RARB: variants seen among roughly 807,000 people sequenced by gnomAD.
RARB encodes retinoic acid receptor beta, also known as HBV-activated protein.
In RARB, 17 loss-of-function variants were observed where a neutral mutation model predicts 51.9. The ratio of observed to expected loss-of-function variants is 0.33; its 90% CI spans 0.22 to 0.49. The LOEUF is 0.49. Ranked by LOEUF, RARB falls within the 20% of genes least tolerant of loss-of-function variation. The probability of loss-of-function intolerance (pLI) is 0.99; values close to 1 mark genes in which losing one functional copy is unlikely to be tolerated. For missense variants in RARB, 369 were observed against 550.8 expected, an observed-to-expected ratio of 0.67 and a Z score of 3.30; for synonymous variants, 215 against 195.4, an observed-to-expected ratio of 1.10 and a Z score of -0.84.
At chr3:25,406,243 G>A (rs925674926) in intron 5 of RARB, among the ~76,000 whole-genome samples, 80 of 152,254 alleles carry the variant, frequency 5.3e-4, no homozygotes, top group African/African-American at 1.9e-3. Flanking sequence ...GGAAGGGATC[G>A]CTGTGAGTCA....
intron 5 of RARB, among the ~76,000 whole-genome samples, chr3:25,234,924 C>T (rs572416374): frequency 9.9e-5 from 15 of 152,196 alleles, no homozygotes; most frequent in South Asian, 6.2e-4. Context: ...CACATCAACA[C>T]GATTTTATGA....
At chr3:25,185,664 A>C (rs1039673336) in intron 5 of RARB, among the ~76,000 whole-genome samples, 1 of 152,138 alleles carries the variant, frequency 6.6e-6, no homozygotes, top group Non-Finnish European at 1.5e-5. Flanking sequence ...ATGCCAAAAC[A>C]GGAATTTCTG....
intron 2 of RARB, among the ~76,000 whole-genome samples, chr3:24,928,103 A>T (rs1030771247): frequency 6.6e-6 from 1 of 152,030 alleles, no homozygotes; most frequent in Admixed American, 6.6e-5. Context: ...ATCAATTCAC[A>T]AAAGCAAAAT....
At chr3:25,266,876 C>T (rs1703138910) in intron 5 of RARB, among the ~76,000 whole-genome samples, 1 of 152,202 alleles carries the variant, frequency 6.6e-6, no homozygotes, top group East Asian at 1.9e-4. Context: ...TCTCCGATTG[C>T]AGAATTCTAG....
intron 1 of RARB, among the ~76,000 whole-genome samples, chr3:24,845,339 T>C (rs1702473053): frequency 6.6e-6 from 1 of 152,148 alleles, no homozygotes; most frequent in African/African-American, 2.4e-5. Context: ...ATGGTATACC[T>C]CGACTAGGAA....
At chr3:25,314,751 TATATTGTGTGACACTG>T (rs1704379033) in intron 5 of RARB, among the ~76,000 whole-genome samples, 1 of 152,206 alleles carries the variant, frequency 6.6e-6, no homozygotes, top group African/African-American at 2.4e-5. Flanking sequence ...GTTACATGGG[TATATTGTGTGACACTG>T]AGGTTTGGGG....
intron 3 of RARB, among the ~76,000 whole-genome samples, chr3:25,119,260 G>A (rs1446364747): frequency 3.3e-5 from 5 of 152,122 alleles, no homozygotes; most frequent in Non-Finnish European, 7.4e-5. Context: ...TCTACTGGCA[G>A]TGAGCTGGTG....
intron 4 of RARB, among the ~76,000 whole-genome samples, chr3:25,133,094 G>C (rs1699978103): frequency 6.6e-6 from 1 of 151,834 alleles, no homozygotes; most frequent in African/African-American, 2.4e-5. Context: ...TCTTAATGTT[G>C]AACGAGTTCT....
At chr3:25,048,984 C>A (rs1698273582) in intron 2 of RARB, among the ~76,000 whole-genome samples, 2 of 152,068 alleles carry the variant, frequency 1.3e-5, no homozygotes, top group Admixed American at 6.6e-5. Flanking sequence ...GATCTCCTGA[C>A]CTTGTGATCC....
At chr3:25,390,505 C>A (rs960270832) in intron 5 of RARB, among the ~76,000 whole-genome samples, 1 of 152,146 alleles carries the variant, frequency 6.6e-6, no homozygotes, top group Admixed American at 6.5e-5. Flanking sequence ...TGGACTAAGA[C>A]TGGGTGAACG....
At chr3:25,280,010 C>A (rs1486689528) in intron 5 of RARB, among the ~76,000 whole-genome samples, 1 of 151,982 alleles carries the variant, frequency 6.6e-6, no homozygotes, top group Admixed American at 6.6e-5. Flanking sequence ...GCTGAGGCTT[C>A]CATAACAAAA....
rs554226183 is a variant in RARB at position 24,875,127 on chromosome 3, A to T, written c.-380+16375A>T. ...CTTACATTTTAACATTTGAATTTTT[A>T]AAAAAAGATTTACATACAAGTCCTT... On this transcript the variant is annotated intron_variant, in intron 2 of 11. Coordinates refer to the RARB transcript ENST00000383772. Among the ~76,000 whole-genome samples, 203 of 152,252 alleles carry T rather than the reference A, an allele frequency of 1.3e-3. 1 individual carries two copies. Among genetic ancestry groups the T allele is most frequent in the Non-Finnish European group, 2.4e-3 (165 of 67,962 alleles).
At chr3:25,096,580 C>T (rs1699295673) in intron 3 of RARB, among the ~76,000 whole-genome samples, 2 of 152,054 alleles carry the variant, frequency 1.3e-5, no homozygotes, top group South Asian at 2.1e-4. Context: ...CATCATTTGA[C>T]GTTTTCTGTT....
chr3:24,880,163 T>C (rs539018142), intron 2 of RARB, among the ~76,000 whole-genome samples: 1 of 152,308 alleles, frequency 6.6e-6, no homozygotes, highest in African/African-American at 2.4e-5. Flanking sequence ...GAGTTAGTAA[T>C]GGATTCTGAT....
chr3:25,376,144 T>C (rs1706453207), intron 5 of RARB, among the ~76,000 whole-genome samples: 1 of 152,188 alleles, frequency 6.6e-6, no homozygotes, highest in South Asian at 2.1e-4. Flanking sequence ...AACCTCAAAG[T>C]TGGGCTATTA....
At chr3:25,383,907 G>C (rs890446290) in intron 5 of RARB, among the ~76,000 whole-genome samples, 1 of 150,862 alleles carries the variant, frequency 6.6e-6, no homozygotes, top group African/African-American at 2.4e-5. Flanking sequence ...TCCAACCTGG[G>C]GGACAAGAGT....
At chr3:25,316,550 C>T (rs747044596) in intron 5 of RARB, among the ~76,000 whole-genome samples, 12 of 152,096 alleles carry the variant, frequency 7.9e-5, no homozygotes, top group East Asian at 5.8e-4. Flanking sequence ...AAAGCCAGGA[C>T]GATACCGATG....
intron 5 of RARB, among the ~76,000 whole-genome samples, chr3:25,284,121 T>C (rs533370184): frequency 3.3e-5 from 5 of 152,286 alleles, no homozygotes; most frequent in African/African-American, 1.2e-4. Context: ...GAAGCCCACA[T>C]GGAAATGAGT....
At chr3:25,387,853 C>G (rs1706841456) in intron 5 of RARB, among the ~76,000 whole-genome samples, 1 of 151,734 alleles carries the variant, frequency 6.6e-6, no homozygotes, top group Non-Finnish European at 1.5e-5. Context: ...AGAAATATCC[C>G]AGCTTTATCC....
Sources: gnomAD v4.1 joint callset for allele counts (sites outside exome capture counted in the v4.1 genomes callset) on GRCh38, gnomAD v4.1.1 for gene constraint, MANE v1.5 for transcripts, NCBI Gene and HGNC (gene_info 2026-07-23, HGNC 2026-07-21) for gene names.